Variants in SLC17A5 observed in about 807,000 individuals in gnomAD.
SLC17A5 encodes sialin.
SLC17A5 carries 47 observed loss-of-function variants against 59.4 expected under a neutral mutation model. The observed-to-expected ratio is 0.79, with a 90% CI of 0.63 to 1.01. The LOEUF is 1.01. Ranked by LOEUF, SLC17A5 falls within the 50% of genes least tolerant of loss-of-function variation. SLC17A5 has a pLI of 0.00. For synonymous variants in SLC17A5, 202 were observed against 210.7 expected (o/e 0.96, Z 0.36); for missense variants, 522 against 595.5 (o/e 0.88, Z 1.28).
At chr6:73,633,921 C>G (rs1768883481) in intron 6 of SLC17A5, among the ~76,000 whole-genome samples, 1 of 151,488 alleles carries the variant, frequency 6.6e-6, no homozygotes, top group Non-Finnish European at 1.5e-5. Flanking sequence ...TCAATCATGA[C>G]AATTTAATAG....
intron 6 of SLC17A5, among the ~76,000 whole-genome samples, chr6:73,629,410 C>CAAACAA (rs1561995260): frequency 6.6e-6 from 1 of 151,580 alleles, no homozygotes; most frequent in African/African-American, 2.4e-5. Context: ...AAACAACACA[C>CAAACAA]AAACAAAAAC....
At position 73,648,342 on chromosome 6, in the gene SLC17A5, T is replaced by C. The variant is rs117359224; in HGVS notation, c.95-3739A>G. Among the ~76,000 whole-genome samples, 167 of 152,344 alleles carry C rather than the reference T, an allele frequency of 1.1e-3. 2 individuals are homozygous for C. The highest frequency in any genetic ancestry group is 9.6e-3 in the East Asian group (50 of 5,188). On this transcript the variant is annotated intron_variant, in intron 1 of 10. Coordinates refer to ENST00000355773, the MANE Select transcript of SLC17A5 (RefSeq NM_012434.5). ...GAGCATCAAGTTCAAAGCAAAATCA[T>C]GCTTGCATAAGGAACATGGCACCCA...
In SLC17A5 at chr6:73,599,037, CA is replaced by C. The variant is rs1268779599; in HGVS notation, c.1350+1313del. ...CACACAAACAAAAAACAAAAATTAG[CA>C]GGGCATGGTGGTGAGTGCCTGTAGT... On this transcript the variant is annotated intron_variant, in intron 10 of 10. Transcript: ENST00000355773. Among the ~76,000 whole-genome samples the C allele has an allele frequency of 1.3e-4, 19 of 151,518 alleles. No individual in the cohort carries two copies. The Middle Eastern group carries it at 0.014, about 108-fold the overall frequency.
intron 2 of SLC17A5, among the ~76,000 whole-genome samples, chr6:73,642,945 G>A (rs1161320102): frequency 4.6e-5 from 7 of 152,108 alleles, no homozygotes; most frequent in Admixed American, 6.6e-5. Context: ...AGGTTGGAGT[G>A]GAGAAAGTGA....
chr6:73,640,738 A>G (rs76566387), intron 3 of SLC17A5, among the ~76,000 whole-genome samples: 4,297 of 152,292 alleles, frequency 0.028, 208 homozygotes, highest in African/African-American at 0.096. Flanking sequence ...GTATGGGGGT[A>G]CACATGATGA....
chr6:73,653,568 C>T (rs1474838976), intron 1 of SLC17A5: 1 of 847,240 alleles, frequency 1.2e-6, no homozygotes, highest in Non-Finnish European at 1.4e-6. Context: ...GGCTCGGCTC[C>T]GCGATCACGG....
At position 73,594,825 on chromosome 6, in the gene SLC17A5, T is replaced by A; in HGVS notation, c.*252A>T. 1 of 495,310 alleles carries A rather than the reference T, an allele frequency of 2.0e-6. No homozygotes were observed. The highest frequency in any genetic ancestry group is 3.6e-6 in the Non-Finnish European group (1 of 274,406). 30.7% of individuals were successfully genotyped at this position (495,310 alleles called of 1,614,324 possible). On this transcript the variant is annotated 3_prime_UTR_variant, in exon 11 of 11. Coordinates refer to ENST00000355773, the MANE Select transcript of SLC17A5 (RefSeq NM_012434.5). ...TAAAAAATCAACAGAACTGTCCTAC[T>A]TCATGTTGCCCGACTAGCAGGCAGG...
chr6:73,647,126 G>C (rs921063565), intron 1 of SLC17A5, among the ~76,000 whole-genome samples: 2 of 152,334 alleles, frequency 1.3e-5, no homozygotes, highest in South Asian at 4.1e-4. Context: ...TACTATGTCT[G>C]TTTTGTCAAT....
intron 2 of SLC17A5, among the ~76,000 whole-genome samples, chr6:73,642,749 G>A (rs1364128052): frequency 6.6e-6 from 1 of 152,186 alleles, no homozygotes; most frequent in African/African-American, 2.4e-5. Context: ...GAACCATTCC[G>A]GGATTTCTTT....
At chr6:73,599,442 A>G (rs1177549335) in intron 10 of SLC17A5, among the ~76,000 whole-genome samples, 1 of 152,174 alleles carries the variant, frequency 6.6e-6, no homozygotes, top group Admixed American at 6.5e-5. Context: ...CGCAGTTCCC[A>G]CTTGTAAACA....
intron 7 of SLC17A5, among the ~76,000 whole-genome samples, chr6:73,615,896 T>G (rs1767835951): frequency 6.8e-6 from 1 of 146,078 alleles, no homozygotes; most frequent in South Asian, 2.3e-4. Context: ...TTTTTTTTTT[T>G]TTTTTTTGAG....
At chr6:73,629,277 A>G (rs1052719163) in intron 6 of SLC17A5, among the ~76,000 whole-genome samples, 4 of 152,110 alleles carry the variant, frequency 2.6e-5, no homozygotes, top group Admixed American at 6.6e-5. Flanking sequence ...CGTCCCAACT[A>G]CTTGGTAGGC....
At chr6:73,616,025 A>C (rs1767843032) in intron 7 of SLC17A5, among the ~76,000 whole-genome samples, 1 of 150,934 alleles carries the variant, frequency 6.6e-6, no homozygotes, top group South Asian at 2.1e-4. Flanking sequence ...AGCTGGGGTT[A>C]CAGGTGCCTG....
At chr6:73,605,716 G>A (rs1004543830) in intron 9 of SLC17A5, among the ~76,000 whole-genome samples, 1 of 151,646 alleles carries the variant, frequency 6.6e-6, no homozygotes, top group Non-Finnish European at 1.5e-5. Context: ...GGTGGCTCAC[G>A]CCTGTAATCC....
chr6:73,642,623 A>T (rs541108408), intron 2 of SLC17A5, among the ~76,000 whole-genome samples: 1 of 152,352 alleles, frequency 6.6e-6, no homozygotes, highest in South Asian at 2.1e-4. Flanking sequence ...TGTGAATAGA[A>T]CCTGTGTTTT....
intron 6 of SLC17A5, among the ~76,000 whole-genome samples, chr6:73,622,221 G>A (rs1027522255): frequency 6.6e-6 from 1 of 151,946 alleles, no homozygotes; most frequent in Non-Finnish European, 1.5e-5. Flanking sequence ...TATTCGTAGA[G>A]CTATAATGTC....
At chr6:73,607,569 C>T (rs576992694) in intron 9 of SLC17A5, among the ~76,000 whole-genome samples, 1 of 152,170 alleles carries the variant, frequency 6.6e-6, no homozygotes, top group African/African-American at 2.4e-5. Flanking sequence ...CCCGGCCGAC[C>T]ATAGCTCCAA....
chr6:73,636,747 G>T, intron 4 of SLC17A5, 40 bp from the exon 5 acceptor site: 1 of 1,416,436 alleles, frequency 7.1e-7, no homozygotes, highest in Non-Finnish European at 1.0e-6. Flanking sequence ...ACTTTGGAGA[G>T]AGAAACAAGG....
chr6:73,606,859 G>C (rs1251929219), intron 9 of SLC17A5, among the ~76,000 whole-genome samples: 1 of 152,134 alleles, frequency 6.6e-6, no homozygotes, highest in Non-Finnish European at 1.5e-5. Context: ...TCTCCACCTT[G>C]TCCAAAACGG....
Sources: allele counts gnomAD v4.1 joint callset (sites outside exome capture counted in the v4.1 genomes callset), GRCh38; gene constraint gnomAD v4.1.1; transcripts MANE v1.5; gene names NCBI Gene and HGNC (gene_info 2026-07-23, HGNC 2026-07-21).